The following GALNT13 variants were observed in gnomAD, a reference collection of about 807,000 sequenced individuals.
GALNT13 encodes UDP-GalNAc:polypeptide N-acetylgalactosaminyltransferase 13.
GALNT13 carries 28 observed loss-of-function variants against 64.2 expected under a neutral mutation model. The ratio of observed to expected loss-of-function variants is 0.44; its 90% CI spans 0.32 to 0.60. The LOEUF (loss-of-function observed/expected upper bound fraction) is 0.60. Among genes scored for constraint, GALNT13 ranks in the 20% least tolerant of loss-of-function variants. The probability of loss-of-function intolerance (pLI) is 0.05; values close to 1 mark genes in which losing one functional copy is unlikely to be tolerated. For synonymous variants in GALNT13, 214 were observed against 224.6 expected (o/e 0.95, Z 0.42); for missense variants, 577 against 669.8 (o/e 0.86, Z 1.53).
intron 11 of GALNT13, among the ~76,000 whole-genome samples, chr2:154,409,970 C>G (rs979143483): frequency 2.6e-5 from 4 of 151,848 alleles, no homozygotes; most frequent in Non-Finnish European, 4.4e-5. Context: ...ATACTTCAAA[C>G]AGGGCCGGTG....
intron 3 of GALNT13, among the ~76,000 whole-genome samples, chr2:153,978,169 T>C (rs1348444132): frequency 3.3e-5 from 5 of 152,210 alleles, no homozygotes; most frequent in Non-Finnish European, 5.9e-5. Context: ...TGTCTGTTTA[T>C]TCCCTAAACT....
intron 3 of GALNT13, among the ~76,000 whole-genome samples, chr2:153,985,602 A>G (rs1224284415): frequency 6.6e-6 from 1 of 152,006 alleles, no homozygotes; most frequent in African/African-American, 2.4e-5. Context: ...ATAAATAAAT[A>G]AATAATTATA....
chr2:154,323,881 A>G (rs1694747806), intron 9 of GALNT13, among the ~76,000 whole-genome samples: 1 of 152,138 alleles, frequency 6.6e-6, no homozygotes, highest in African/African-American at 2.4e-5. Context: ...GTTCTGAGTC[A>G]TAGAAGTTTG....
At chr2:153,312,464 T>C in the GALNT13 span, among the ~76,000 whole-genome samples, 2 of 152,098 alleles carry the variant, frequency 1.3e-5, no homozygotes, top group African/African-American at 4.8e-5. Flanking sequence ...AGAAGGGAAA[T>C]GTGTTGGCTC....
chr2:153,306,893 T>G, the GALNT13 span, among the ~76,000 whole-genome samples: 1 of 152,122 alleles, frequency 6.6e-6, no homozygotes, highest in South Asian at 2.1e-4. Context: ...CACACCACCG[T>G]GCTCAGCTAA....
At chr2:154,208,322 G>A (rs1687579689) in intron 4 of GALNT13, among the ~76,000 whole-genome samples, 1 of 152,070 alleles carries the variant, frequency 6.6e-6, no homozygotes, top group Admixed American at 6.6e-5. Flanking sequence ...AGAACTTAGA[G>A]TCAGAAAACT....
chr2:153,176,752 G>A, the GALNT13 span, among the ~76,000 whole-genome samples: 1 of 141,870 alleles, frequency 7.0e-6, no homozygotes, highest in East Asian at 2.1e-4. Flanking sequence ...GAAAAAATTC[G>A]TAGAAGTTGC....
chr2:154,233,877 A>C (rs1306135267), intron 4 of GALNT13, among the ~76,000 whole-genome samples: 1 of 152,136 alleles, frequency 6.6e-6, no homozygotes, highest in Non-Finnish European at 1.5e-5. Flanking sequence ...GAAGAAGCAG[A>C]GATCTAAGCA....
At chr2:153,813,014 C>T in the GALNT13 span, among the ~76,000 whole-genome samples, 1 of 152,228 alleles carries the variant, frequency 6.6e-6, no homozygotes, top group East Asian at 1.9e-4. Context: ...TTCCCCTTCA[C>T]TTTATCTTTT....
chr2:153,624,525 C>CAGA, the GALNT13 span, among the ~76,000 whole-genome samples: 2 of 152,216 alleles, frequency 1.3e-5, no homozygotes, highest in East Asian at 3.9e-4. Flanking sequence ...CAGCATGTCC[C>CAGA]AGACAGCACC....
chr2:153,696,948 C>T, the GALNT13 span, among the ~76,000 whole-genome samples: 1 of 152,182 alleles, frequency 6.6e-6, no homozygotes, highest in Admixed American at 6.5e-5. Flanking sequence ...AAAATACACT[C>T]TCAAAAGAAC....
chr2:154,324,607 A>C (rs1694787304), intron 9 of GALNT13, among the ~76,000 whole-genome samples: 1 of 152,094 alleles, frequency 6.6e-6, no homozygotes, highest in Non-Finnish European at 1.5e-5. Context: ...TTTCTCTCCA[A>C]GTTTCAGGTT....
At chr2:153,487,642 G>A in the GALNT13 span, among the ~76,000 whole-genome samples, 707 of 152,304 alleles carry the variant, frequency 4.6e-3, 27 homozygotes, top group Admixed American at 0.042. Flanking sequence ...CTGGGGCACT[G>A]GGAGAGTGGT....
the GALNT13 span, among the ~76,000 whole-genome samples, chr2:153,186,162 T>G: frequency 6.6e-6 from 1 of 152,174 alleles, no homozygotes; most frequent in Admixed American, 6.5e-5. Flanking sequence ...GCATGTATAT[T>G]TAGGAGAGTT....
At chr2:153,077,852 C>T in the GALNT13 span, among the ~76,000 whole-genome samples, 2 of 152,130 alleles carry the variant, frequency 1.3e-5, no homozygotes, top group African/African-American at 2.4e-5. Context: ...TTGTTTGCTT[C>T]GGAATTTATC....
intron 1 of GALNT13, among the ~76,000 whole-genome samples, chr2:153,875,297 G>T (rs887033218): frequency 6.6e-6 from 1 of 152,052 alleles, no homozygotes; most frequent in Non-Finnish European, 1.5e-5. Flanking sequence ...TATGGTGCAG[G>T]AGCATGTTCA....
chr2:153,394,373 T>C, the GALNT13 span, among the ~76,000 whole-genome samples: 1 of 152,148 alleles, frequency 6.6e-6, no homozygotes, highest in Non-Finnish European at 1.5e-5. Flanking sequence ...TTAATACCAT[T>C]TTAAACCTTG....
intron 9 of GALNT13, among the ~76,000 whole-genome samples, chr2:154,306,271 A>G (rs1187992318): frequency 2.0e-5 from 3 of 152,010 alleles, no homozygotes; most frequent in Non-Finnish European, 2.9e-5. Context: ...CATCTACGTT[A>G]GGCATTTCTC....
At chr2:153,911,123 G>A (rs1024354726) in intron 2 of GALNT13, among the ~76,000 whole-genome samples, 5 of 152,098 alleles carry the variant, frequency 3.3e-5, no homozygotes, top group African/African-American at 7.2e-5. Context: ...GTGTATATAC[G>A]TTTAGAATAG....
Sources: allele counts gnomAD v4.1 joint callset (sites outside exome capture counted in the v4.1 genomes callset), GRCh38; gene constraint gnomAD v4.1.1; transcripts MANE v1.5; gene names NCBI Gene and HGNC (gene_info 2026-07-23, HGNC 2026-07-21).